The following RSBN1L variants were observed in gnomAD, a reference collection of about 807,000 sequenced individuals.
RSBN1L encodes the protein round spermatid basic protein 1 like.
In RSBN1L, 30 loss-of-function variants were observed where a neutral mutation model predicts 67.7. That is an observed-to-expected ratio of 0.44 (90% confidence interval 0.33 to 0.60). RSBN1L has a LOEUF of 0.60. Among genes scored for constraint, RSBN1L ranks in the 20% least tolerant of loss-of-function variants. The probability of loss-of-function intolerance (pLI) is 0.02; values close to 1 mark genes in which losing one functional copy is unlikely to be tolerated. For synonymous variants in RSBN1L, 433 were observed against 387.0 expected, an observed-to-expected ratio of 1.12 and a Z score of -1.39; for missense variants, 992 against 1,031.7, an observed-to-expected ratio of 0.96 and a Z score of 0.53.
chr7:77,753,051 A>G (rs1215481795), intron 3 of RSBN1L, among the ~76,000 whole-genome samples: 3 of 152,210 alleles, frequency 2.0e-5, no homozygotes, highest in Non-Finnish European at 4.4e-5. Context: ...TCTTGTTACC[A>G]TATGGATGGA....
intron 1 of RSBN1L, among the ~76,000 whole-genome samples, chr7:77,717,152 T>G (rs6946914): frequency 0.58 from 87,163 of 151,532 alleles, 26,927 homozygotes; most frequent in African/African-American, 0.81. Context: ...TTTGTAGAGA[T>G]AGTCTTGCCA....
chr7:77,771,439 G>T (rs1791848609), intron 5 of RSBN1L, among the ~76,000 whole-genome samples: 1 of 151,756 alleles, frequency 6.6e-6, no homozygotes, highest in Admixed American at 6.6e-5. Context: ...CTTAATATTG[G>T]ATGAATAAAA....
chr7:77,739,114 A>G (rs1687541879), intron 2 of RSBN1L, among the ~76,000 whole-genome samples: 2 of 152,194 alleles, frequency 1.3e-5, no homozygotes, highest in African/African-American at 4.8e-5. Context: ...TTTGCTTAGT[A>G]TGTGGGGCCA....
intron 1 of RSBN1L, among the ~76,000 whole-genome samples, chr7:77,720,806 C>A (rs374181704): frequency 7.0e-6 from 1 of 143,626 alleles, no homozygotes; most frequent in East Asian, 2.1e-4. Context: ...CACTCTGTCA[C>A]CCAGGCTCGA....
intron 3 of RSBN1L, among the ~76,000 whole-genome samples, chr7:77,763,945 T>C (rs1371915466): frequency 6.6e-6 from 1 of 152,238 alleles, no homozygotes; most frequent in African/African-American, 2.4e-5. Flanking sequence ...TTAATGTCAT[T>C]ATTAAACTGC....
At chr7:77,771,102 C>G (rs532787923) in intron 5 of RSBN1L, among the ~76,000 whole-genome samples, 5 of 152,160 alleles carry the variant, frequency 3.3e-5, no homozygotes, top group African/African-American at 1.2e-4. Flanking sequence ...CCACCACACC[C>G]GGCTAATTTT....
chr7:77,705,250 A>G (rs1406203060), intron 1 of RSBN1L, among the ~76,000 whole-genome samples: 2 of 152,194 alleles, frequency 1.3e-5, no homozygotes, highest in Non-Finnish European at 2.9e-5. Flanking sequence ...CATACCTGTT[A>G]TCATGCAGAT....
At chr7:77,747,799 CT>C (rs1562803919) in intron 2 of RSBN1L, among the ~76,000 whole-genome samples, 1 of 152,074 alleles carries the variant, frequency 6.6e-6, no homozygotes, top group Non-Finnish European at 1.5e-5. Context: ...CATTCTTATA[CT>C]GCTATAAAGA....
At chr7:77,767,912 G>T (rs1030484726) in intron 4 of RSBN1L, among the ~76,000 whole-genome samples, 3 of 136,150 alleles carry the variant, frequency 2.2e-5, no homozygotes, top group African/African-American at 8.3e-5. Flanking sequence ...GTGCAGTGGC[G>T]TGATTTCGGC....
intron 1 of RSBN1L, among the ~76,000 whole-genome samples, chr7:77,702,330 TG>T (rs1334034621): frequency 2.8e-4 from 42 of 152,216 alleles, no homozygotes; most frequent in Admixed American, 2.7e-3. Context: ...TATAGTATTT[TG>T]TTCCTTTTTC....
intron 1 of RSBN1L, among the ~76,000 whole-genome samples, chr7:77,707,369 T>C (rs986410530): frequency 1.3e-5 from 2 of 152,176 alleles, no homozygotes; most frequent in African/African-American, 4.8e-5. Flanking sequence ...ATTGTTTTAG[T>C]GATCATTTAT....
chr7:77,761,943 T>G (rs977001976), intron 3 of RSBN1L, among the ~76,000 whole-genome samples: 9 of 152,170 alleles, frequency 5.9e-5, no homozygotes, highest in African/African-American at 2.2e-4. Flanking sequence ...TGTTGGAGAA[T>G]AAAGGTTTTG....
At chr7:77,750,592 A>G (rs558882319) in intron 3 of RSBN1L, among the ~76,000 whole-genome samples, 1 of 152,182 alleles carries the variant, frequency 6.6e-6, no homozygotes, top group East Asian at 1.9e-4. Context: ...ACCCTTCTCT[A>G]TGGTGGAGAA....
chr7:77,704,152 A>G (rs1790858083), intron 1 of RSBN1L, among the ~76,000 whole-genome samples: 1 of 152,214 alleles, frequency 6.6e-6, no homozygotes, highest in African/African-American at 2.4e-5. Context: ...ACAAGTAAGT[A>G]TAATTTGTCT....
At chr7:77,764,041 T>C (rs1791730570) in intron 3 of RSBN1L, among the ~76,000 whole-genome samples, 1 of 152,246 alleles carries the variant, frequency 6.6e-6, no homozygotes, top group Admixed American at 6.5e-5. Context: ...TTTGTTACGT[T>C]GTGATACTCT....
intron 1 of RSBN1L, 50 bp downstream of exon 1, chr7:77,697,105 G>A (rs1790746664): frequency 7.6e-7 from 1 of 1,319,226 alleles, no homozygotes. Flanking sequence ...GGTCCCCGCC[G>A]CCCCCTGGCG....
At chr7:77,760,308 G>A (rs1435269225) in intron 3 of RSBN1L, among the ~76,000 whole-genome samples, 1 of 152,028 alleles carries the variant, frequency 6.6e-6, no homozygotes, top group Non-Finnish European at 1.5e-5. Flanking sequence ...CTGGCAATGG[G>A]TACAATAGGT....
intron 2 of RSBN1L, among the ~76,000 whole-genome samples, chr7:77,746,661 C>A (rs185181455): frequency 2.2e-3 from 340 of 152,256 alleles, no homozygotes; most frequent in Non-Finnish European, 3.5e-3. Context: ...AGTCCAAAGT[C>A]TCATTTGAGA....
At chr7:77,740,459 G>T (rs564756777) in intron 2 of RSBN1L, among the ~76,000 whole-genome samples, 2 of 152,308 alleles carry the variant, frequency 1.3e-5, no homozygotes, top group African/African-American at 4.8e-5. Context: ...AAGGTCACAG[G>T]TAGGTAAATC....
Sources: gnomAD v4.1 joint callset for allele counts (sites outside exome capture counted in the v4.1 genomes callset) on GRCh38, gnomAD v4.1.1 for gene constraint, MANE v1.5 for transcripts, NCBI Gene and HGNC (gene_info 2026-07-23, HGNC 2026-07-21) for gene names.